The following DPP10 variants were observed in gnomAD, a reference collection of about 807,000 sequenced individuals.
The protein encoded by DPP10 is inactive dipeptidyl peptidase 10.
DPP10 carries 33 observed loss-of-function variants against 120.9 expected under a neutral mutation model. The ratio of observed to expected loss-of-function variants is 0.27; its 90% CI spans 0.21 to 0.37. The LOEUF (loss-of-function observed/expected upper bound fraction) is 0.37. DPP10 is among the 10% of genes least tolerant of loss of function. DPP10 has a pLI of 1.00. For synonymous variants in DPP10, 337 were observed against 326.1 expected (o/e 1.03, Z -0.36); for missense variants, 816 against 942.8 (o/e 0.87, Z 1.76).
intron 1 of DPP10, among the ~76,000 whole-genome samples, chr2:114,916,033 A>T (rs558502407): frequency 1.8e-4 from 27 of 147,760 alleles, no homozygotes; most frequent in East Asian, 5.8e-4. Context: ...TAAAAAAGAT[A>T]AAAAAAAAGT....
At chr2:115,227,350 T>G (rs1412979600) in intron 1 of DPP10, among the ~76,000 whole-genome samples, 1 of 152,194 alleles carries the variant, frequency 6.6e-6, no homozygotes, top group Non-Finnish European at 1.5e-5. Flanking sequence ...TGAATAGTCT[T>G]CATCTTTCAG....
chr2:115,374,927 C>T (rs1381407026), intron 3 of DPP10, among the ~76,000 whole-genome samples: 5 of 152,218 alleles, frequency 3.3e-5, no homozygotes, highest in African/African-American at 1.2e-4. Flanking sequence ...GGCCTCTGGG[C>T]CTGTGATGGG....
intron 7 of DPP10, among the ~76,000 whole-genome samples, chr2:115,707,432 A>ACACACG (rs2092156056): frequency 6.8e-6 from 1 of 146,424 alleles, no homozygotes; most frequent in South Asian, 2.2e-4. Flanking sequence ...ACACACACAC[A>ACACACG]CACACACACA....
At chr2:115,183,286 A>G (rs2054206260) in intron 1 of DPP10, among the ~76,000 whole-genome samples, 1 of 152,156 alleles carries the variant, frequency 6.6e-6, no homozygotes, top group Admixed American at 6.5e-5. Context: ...TGTGGAAAAA[A>G]AAAATGTCAT....
intron 1 of DPP10, among the ~76,000 whole-genome samples, chr2:114,813,133 A>T (rs1381807528): frequency 6.6e-6 from 1 of 152,242 alleles, no homozygotes; most frequent in Non-Finnish European, 1.5e-5. Flanking sequence ...GATACTAAAC[A>T]TAACAATTCC....
intron 1 of DPP10, among the ~76,000 whole-genome samples, chr2:114,949,598 G>A (rs1052190176): frequency 6.6e-6 from 1 of 152,164 alleles, no homozygotes; most frequent in African/African-American, 2.4e-5. Context: ...GTTTGCACTT[G>A]ACATGGACCC....
At chr2:114,570,757 C>A (rs551764437) in intron 1 of DPP10, among the ~76,000 whole-genome samples, 2 of 149,120 alleles carry the variant, frequency 1.3e-5, no homozygotes, top group East Asian at 4.0e-4. Context: ...GACATGAACC[C>A]GGGAGGCGGA....
intron 5 of DPP10, among the ~76,000 whole-genome samples, chr2:115,563,075 C>G (rs1365498544): frequency 6.6e-6 from 1 of 152,172 alleles, no homozygotes; most frequent in Non-Finnish European, 1.5e-5. Context: ...TGTATGTCTC[C>G]TTTTATGAAC....
At chr2:114,961,431 GTGTT>G (rs961880479) in intron 1 of DPP10, among the ~76,000 whole-genome samples, 2 of 147,802 alleles carry the variant, frequency 1.4e-5, no homozygotes, top group Non-Finnish European at 3.0e-5. Context: ...ACCTTTGTGT[GTGTT>G]TGTGTTTGAA....
At chr2:115,129,260 A>G (rs1460475863) in intron 1 of DPP10, among the ~76,000 whole-genome samples, 1 of 152,160 alleles carries the variant, frequency 6.6e-6, no homozygotes, top group Non-Finnish European at 1.5e-5. Context: ...CCTTTTATAG[A>G]TGAATGTAGG....
intron 1 of DPP10, among the ~76,000 whole-genome samples, chr2:114,882,155 A>G (rs1390068605): frequency 1.3e-5 from 2 of 152,140 alleles, no homozygotes; most frequent in East Asian, 3.9e-4. Flanking sequence ...CAATCCCACT[A>G]CTAGGTATCT....
At chr2:115,465,374 T>A (rs554091766) in intron 3 of DPP10, among the ~76,000 whole-genome samples, 2 of 152,178 alleles carry the variant, frequency 1.3e-5, no homozygotes, top group African/African-American at 4.8e-5. Flanking sequence ...CTTTAAAAGA[T>A]CTATATTTTT....
rs2058300749 is a variant in DPP10, at chr2:115,241,916, A to G, written c.61-67323A>G. On this transcript the variant is annotated intron_variant, in intron 1 of 25. Transcript: ENST00000410059. ...CTAGTGAGGAATTCCTTTGAAATTG[A>G]GTATGCATTGACTGCTATTGTTATT... Among the ~76,000 whole-genome samples the G allele has an allele frequency of 2.0e-5, 3 of 152,324 alleles. No individual in the cohort carries two copies. The South Asian group carries it at 6.2e-4, about 32-fold the overall frequency.
intron 12 of DPP10, among the ~76,000 whole-genome samples, chr2:115,766,310 GTATATATATATATATGTATATATATA>G (rs1230541110): frequency 1.2e-5 from 1 of 81,738 alleles, no homozygotes; most frequent in African/African-American, 4.3e-5. Flanking sequence ...GTGTGTGTGT[GTATATATATATATATGTATATATATA>G]TGTATATATA....
intron 1 of DPP10, among the ~76,000 whole-genome samples, chr2:114,790,217 G>A (rs1377232002): frequency 6.6e-6 from 1 of 152,172 alleles, no homozygotes; most frequent in Non-Finnish European, 1.5e-5. Flanking sequence ...TGCCATTAAA[G>A]CCATGGTGTG....
At chr2:115,357,300 G>A (rs1400649888) in intron 3 of DPP10, among the ~76,000 whole-genome samples, 1 of 152,196 alleles carries the variant, frequency 6.6e-6, no homozygotes, top group African/African-American at 2.4e-5. Context: ...ATACAATGGA[G>A]GTACAGGCAT....
intron 3 of DPP10, among the ~76,000 whole-genome samples, chr2:115,354,339 C>G (rs1310186845): frequency 6.6e-6 from 1 of 152,052 alleles, no homozygotes; most frequent in African/African-American, 2.4e-5. Flanking sequence ...CCTCCCTACC[C>G]CCTCTTATTT....
chr2:115,411,947 C>T (rs2068986687), intron 3 of DPP10, among the ~76,000 whole-genome samples: 1 of 152,098 alleles, frequency 6.6e-6, no homozygotes. Context: ...ATTCATTTTC[C>T]ATCTGGTGTT....
Position 115,295,189 on chromosome 2 carries a change from T to G in DPP10, c.61-14050T>G, listed in dbSNP as rs150780434. On this transcript the variant is annotated intron_variant, in intron 1 of 25. Coordinates refer to ENST00000410059, the MANE Select transcript of DPP10 (RefSeq NM_020868.6). ...GACTAGGGGGAAGAAAAGGCTGTCT[T>G]CAGTAATGAATGGAAACACTGACTG... 1.0e-3 allele frequency among the ~76,000 whole-genome samples: 156 copies of G among 152,150 alleles called. 2 individuals are homozygous for G. In the East Asian group the frequency reaches 0.028, roughly 27 times the overall value.
Sources: gnomAD v4.1 joint callset for allele counts (sites outside exome capture counted in the v4.1 genomes callset) on GRCh38, gnomAD v4.1.1 for gene constraint, MANE v1.5 for transcripts, NCBI Gene and HGNC (gene_info 2026-07-23, HGNC 2026-07-21) for gene names.